TRMO: variants seen among roughly 807,000 people sequenced by gnomAD.
The protein encoded by TRMO is tRNA (adenine(37)-N6)-methyltransferase.
TRMO carries 30 observed loss-of-function variants against 37.2 expected under a neutral mutation model. The ratio of observed to expected loss-of-function variants is 0.81; its 90% CI spans 0.60 to 1.09. TRMO has a LOEUF of 1.09. Among genes scored for constraint, TRMO ranks in the 50% least tolerant of loss-of-function variants. The pLI is 0.00. For missense variants in TRMO, 552 were observed against 549.5 expected (o/e 1.00, Z -0.05); for synonymous variants, 239 against 199.4 (o/e 1.20, Z -1.67).
At chr9:97,900,352 C>T (rs73655185), downstream of TRMO, among the ~76,000 whole-genome samples, 1,166 of 152,328 alleles carry the variant, frequency 7.7e-3, 17 homozygotes, top group African/African-American at 0.027. Context: ...GGGCAGAAAG[C>T]GCTTGAAGTT....
chr9:97,903,082 T>C (rs1013222727), downstream of TRMO, among the ~76,000 whole-genome samples: 2 of 151,774 alleles, frequency 1.3e-5, no homozygotes, highest in African/African-American at 4.8e-5. Flanking sequence ...GCCTGGGCAA[T>C]GAGGCGAGAC....
At chr9:97,922,057 A>G (rs997680079) in intron 1 of TRMO, among the ~76,000 whole-genome samples, 1 of 152,134 alleles carries the variant, frequency 6.6e-6, no homozygotes, top group Non-Finnish European at 1.5e-5. Context: ...CCTACAGCGC[A>G]GGATGCCTCT....
At chr9:97,900,800 CCAA>C, downstream of TRMO, 11 of 902,046 alleles carry the variant, frequency 1.2e-5, no homozygotes, top group Non-Finnish European at 1.5e-5. Flanking sequence ...AAAAACCCTA[CCAA>C]CAAGAGGTTG....
At chr9:97,908,380 C>T (rs988109865) in intron 4 of TRMO, among the ~76,000 whole-genome samples, 7 of 147,918 alleles carry the variant, frequency 4.7e-5, no homozygotes, top group Non-Finnish European at 8.9e-5. Flanking sequence ...CCATTGCACT[C>T]CAGCCTGGGC....
intron 1 of TRMO, among the ~76,000 whole-genome samples, chr9:97,921,667 G>A (rs1230477608): frequency 6.6e-6 from 1 of 151,884 alleles, no homozygotes; most frequent in African/African-American, 2.4e-5. Context: ...CTCGTGATCC[G>A]CCCACCTCGG....
chr9:97,915,923 C>A (rs1826337469), intron 2 of TRMO: 1 of 324,764 alleles, frequency 3.1e-6, no homozygotes, highest in Non-Finnish European at 5.6e-6. Flanking sequence ...CACCTGCGGT[C>A]CCAGCTACTC....
intron 3 of TRMO, chr9:97,912,226 A>T (rs1030293733): frequency 6.6e-6 from 1 of 152,292 alleles, no homozygotes; most frequent in Non-Finnish European, 1.5e-5. Context: ...CATAAAGCTT[A>T]TATAGTAATG....
chr9:97,917,550 A>C (rs1826426345), intron 1 of TRMO, among the ~76,000 whole-genome samples: 1 of 152,258 alleles, frequency 6.6e-6, no homozygotes, highest in Non-Finnish European at 1.5e-5. Context: ...TTGAAAAAGT[A>C]AAATAATAAT....
the TRMO span, among the ~76,000 whole-genome samples, chr9:97,899,313 GA>G: frequency 6.6e-6 from 1 of 152,152 alleles, no homozygotes; most frequent in Admixed American, 6.5e-5. Context: ...ACCCAGATGA[GA>G]GGGGGAAGAT....
At position 97,910,575 on chromosome 9, in the gene TRMO, T is replaced by A; in HGVS notation, c.451A>T (p.Thr151Ser). ...TAGGGCTTGATGTCTAGTACGGGTG[T>A]GCCATGTATCATGTCAATTCCAGAA... is the stretch of plus-strand genomic sequence containing the variant. ...YLSGIDMIHG[T>S]PVLDIKPYIA... The change falls in exon 4 of 5, where the codon ACA becomes TCA. Residue 151 changes from threonine (T) to serine (S), a missense_variant. Thr to Ser is a moderately conservative substitution (Grantham distance 58). Transcript: ENST00000375119. The A allele has an allele frequency of 6.2e-7, 1 of 1,614,110 alleles. No individual in the cohort carries two copies. Among genetic ancestry groups the A allele is most frequent in the African/African-American group, 1.3e-5 (1 of 75,032 alleles).
At chr9:97,913,853 G>C in intron 2 of TRMO, 3 of 289,724 alleles carry the variant, frequency 1.0e-5, no homozygotes, top group Non-Finnish European at 2.0e-5. Context: ...AGTGTCTGCT[G>C]TTTGCCAGGT....
downstream of TRMO, among the ~76,000 whole-genome samples, chr9:97,902,573 A>T (rs1302346985): frequency 6.6e-6 from 1 of 152,130 alleles, no homozygotes. Context: ...GAGTGCTGGG[A>T]TTACAGGCAT....
chr9:97,910,779 G>C (rs1322210475), intron 3 of TRMO, 163 bp from the exon 4 acceptor site: 1 of 770,068 alleles, frequency 1.3e-6, no homozygotes, highest in Admixed American at 2.7e-5. Context: ...CTACCTGGTA[G>C]CCCATCCTCT....
In TRMO at chr9:97,913,005, C is replaced by G. The variant is rs547468806; in HGVS notation, c.409+396G>C. ...AAGGAAGGAATGATATACCACCAGT[C>G]TATGTGTTTTCCATATGTGCATGTA... On this transcript the variant is annotated intron_variant, in intron 3 of 4. Coordinates refer to ENST00000375119, the MANE Select transcript of TRMO (RefSeq NM_016481.5). The G allele has an allele frequency of 2.6e-4, 272 of 1,038,232 alleles. 8 individuals carry two copies. The highest frequency in any genetic ancestry group is 2.4e-3 in the South Asian group (185 of 75,826). 64.3% of individuals were successfully genotyped at this position (1,038,232 alleles called of 1,614,324 possible). A position where few individuals can be genotyped will look rare whatever the true frequency, so the allele number is the denominator to read the frequency against.
At chr9:97,912,142 C>T (rs1251702238) in intron 3 of TRMO, 2 of 152,190 alleles carry the variant, frequency 1.3e-5, no homozygotes, top group Non-Finnish European at 2.9e-5. Flanking sequence ...TTTGTCAAAC[C>T]CACAAAGCCA....
At chr9:97,910,951 T>A (rs979687344) in intron 3 of TRMO, 5 of 509,252 alleles carry the variant, frequency 9.8e-6, no homozygotes, top group South Asian at 4.6e-5. Context: ...GGTAGGGTAG[T>A]GACCTGCTTA....
chr9:97,901,335 G>A (rs1831165326), downstream of TRMO, among the ~76,000 whole-genome samples: 1 of 152,086 alleles, frequency 6.6e-6, no homozygotes, highest in Admixed American at 6.6e-5. Context: ...CAAAACTCTG[G>A]CCAAAGAGTC....
chr9:97,921,563 C>T (rs1371826793), intron 1 of TRMO, among the ~76,000 whole-genome samples: 3 of 151,962 alleles, frequency 2.0e-5, no homozygotes, highest in Admixed American at 6.6e-5. Context: ...GCTGGGACTA[C>T]AGGAGCCCAC....
rs759137962 is a variant in TRMO, at chr9:97,910,611, C to T, written c.415G>A (p.Ala139Thr). Residue 139 changes from alanine to threonine, a missense_variant, in exon 4 of 5, where the codon GCT becomes ACT. By Grantham distance (58) the Ala-to-Thr change is moderately conservative. Transcript: ENST00000375119. Reference sequence around the variant, plus strand: ...ATGTCAATTCCAGAAAGGTATATAGCTCCACCTATGACATAAAAACGTGAA... The same window carrying T: ...ATGTCAATTCCAGAAAGGTATATAGTTCCACCTATGACATAAAAACGTGAA... The part of the protein sequence containing the change: ...LAKLEKVEGG[A>T]IYLSGIDMIH... 7 of 1,613,320 alleles carry T rather than the reference C, an allele frequency of 4.3e-6. No individual in the cohort carries two copies. The South Asian group carries it at 6.6e-5, about 15-fold the overall frequency.
Sources: allele counts gnomAD v4.1 joint callset (sites outside exome capture counted in the v4.1 genomes callset), GRCh38; gene constraint gnomAD v4.1.1; transcripts MANE v1.5; gene names NCBI Gene and HGNC (gene_info 2026-07-23, HGNC 2026-07-21).